SOX6: variants seen among roughly 807,000 people sequenced by gnomAD.
SOX6 encodes the protein SRY-box transcription factor 6, also known as transcription factor SOX-6.
A neutral mutation model predicts 97.8 loss-of-function variants in SOX6; 11 were observed. The ratio of observed to expected loss-of-function variants is 0.11; its 90% CI spans 0.07 to 0.19. SOX6 has a LOEUF of 0.19. Among genes scored for constraint, SOX6 ranks in the 10% least tolerant of loss-of-function variants. The probability of loss-of-function intolerance (pLI) is 1.00; values close to 1 mark genes in which losing one functional copy is unlikely to be tolerated. For missense variants in SOX6, 810 were observed against 1,039.5 expected, an observed-to-expected ratio of 0.78 and a Z score of 3.04; for synonymous variants, 360 against 371.4, an observed-to-expected ratio of 0.97 and a Z score of 0.35.
intron 4 of SOX6, among the ~76,000 whole-genome samples, chr11:16,600,720 G>C (rs73419036): frequency 4.6e-5 from 7 of 152,188 alleles, no homozygotes; most frequent in African/African-American, 1.7e-4. Context: ...ATAATTAACT[G>C]AAAAGCTTTT....
At chr11:16,543,191 T>G (rs1861433834) in intron 4 of SOX6, among the ~76,000 whole-genome samples, 1 of 152,164 alleles carries the variant, frequency 6.6e-6, no homozygotes, top group Middle Eastern at 3.2e-3. Flanking sequence ...TGTGCCTTCA[T>G]GCCAACCTTA....
chr11:16,726,408 C>A (rs1221155835), intron 2 of SOX6, among the ~76,000 whole-genome samples: 1 of 152,116 alleles, frequency 6.6e-6, no homozygotes, highest in Non-Finnish European at 1.5e-5. Context: ...CAGAGTGAGA[C>A]TGTCTCAAAA....
At chr11:16,418,044 G>C (rs1401267401) in intron 1 of SOX6, among the ~76,000 whole-genome samples, 2 of 152,066 alleles carry the variant, frequency 1.3e-5, no homozygotes, top group Admixed American at 1.3e-4. Flanking sequence ...GTGGGTCCTT[G>C]TACATCATTC....
chr11:16,056,027 A>T, intron 9 of SOX6, 126 bp from the exon 10 acceptor site: 1 of 1,134,344 alleles, frequency 8.8e-7, no homozygotes, highest in South Asian at 1.4e-5. Context: ...ACTATTTTTA[A>T]AAAAGGAAGC....
At position 16,149,302 on chromosome 11, in the gene SOX6, G is replaced by A. The variant is rs545162482; in HGVS notation, c.777+34584C>T. The stretch of plus-strand genomic sequence containing the variant: ...CTAGAGAGATATATTGCACTTTGAC[G>A]GCCTACTGTAGGCTCTACAGTAATT... On this transcript the variant is annotated intron_variant, in intron 6 of 15. Coordinates refer to ENST00000683767, the MANE Select transcript of SOX6 (RefSeq NM_001367873.1). 3.3e-5 allele frequency among the ~76,000 whole-genome samples: 5 copies of A among 152,046 alleles called. No homozygotes were observed. In the South Asian group the frequency reaches 6.2e-4, roughly 19 times the overall value.
chr11:16,545,238 T>C (rs1847604379), intron 4 of SOX6, among the ~76,000 whole-genome samples: 1 of 150,342 alleles, frequency 6.7e-6, no homozygotes, highest in Non-Finnish European at 1.5e-5. Flanking sequence ...ATATGAGCTC[T>C]AAAAGAGAGA....
chr11:15,980,142 C>T (rs1469927710), intron 15 of SOX6, among the ~76,000 whole-genome samples: 1 of 151,972 alleles, frequency 6.6e-6, no homozygotes, highest in Non-Finnish European at 1.5e-5. Flanking sequence ...TCTTTAGACG[C>T]TTGAATGGTT....
chr11:16,330,308 C>T (rs1856247672), intron 2 of SOX6, among the ~76,000 whole-genome samples: 1 of 152,176 alleles, frequency 6.6e-6, no homozygotes, highest in Admixed American at 6.5e-5. Context: ...AATCCCAGCA[C>T]TTTGGGAGGC....
At chr11:16,278,898 C>A (rs370932211) in intron 3 of SOX6, among the ~76,000 whole-genome samples, 46 of 152,146 alleles carry the variant, frequency 3.0e-4, no homozygotes, top group African/African-American at 1.1e-3. Flanking sequence ...GTTGATCAAG[C>A]CTTCATTTTC....
intron 1 of SOX6, among the ~76,000 whole-genome samples, chr11:16,429,860 C>T (rs10466381): frequency 1 from 151,550 of 152,270 alleles, 75,422 homozygotes; most frequent in Middle Eastern, 1. Context: ...TCCACCTTCA[C>T]TGAACTACCC....
chr11:16,598,835 A>G (rs1848239227), intron 4 of SOX6, among the ~76,000 whole-genome samples: 1 of 152,108 alleles, frequency 6.6e-6, no homozygotes, highest in Non-Finnish European at 1.5e-5. Context: ...ATGTGAATGG[A>G]TATATCAAAG....
chr11:16,186,657 A>G lies in SOX6; in HGVS notation c.708+126T>C, dbSNP rs200920012. ...CCAGAAGGCTTTGTTTTTTTTTTCC[A>G]TCTTTTCTTATTTTTATTTTTATTT... On this transcript the variant is annotated intron_variant, in intron 5 of 15. Coordinates refer to ENST00000683767, the MANE Select transcript of SOX6 (RefSeq NM_001367873.1). 4 of 1,178,488 alleles carry G rather than the reference A, an allele frequency of 3.4e-6. No individual in the cohort carries two copies. The East Asian group carries it at 1.0e-4, about 30-fold the overall frequency. 73.0% of individuals were successfully genotyped at this position (1,178,488 alleles called of 1,614,324 possible).
At chr11:16,685,221 A>T (rs112999564) in intron 3 of SOX6, among the ~76,000 whole-genome samples, 2,281 of 152,038 alleles carry the variant, frequency 0.015, 56 homozygotes, top group African/African-American at 0.051. Context: ...AAAATAAATT[A>T]AAAAAAATAC....
chr11:16,594,693 T>TTTTG (rs1359627828), intron 4 of SOX6, among the ~76,000 whole-genome samples: 1 of 126,308 alleles, frequency 7.9e-6, no homozygotes, highest in African/African-American at 3.1e-5. Context: ...GCTTTTTTTT[T>TTTTG]TTTTTTTTTT....
chr11:16,522,688 G>A (rs1318408744), intron 4 of SOX6, among the ~76,000 whole-genome samples: 2 of 152,158 alleles, frequency 1.3e-5, no homozygotes, highest in Non-Finnish European at 1.5e-5. Flanking sequence ...AGACTGGCAA[G>A]TTGGATAAAG....
intron 3 of SOX6, among the ~76,000 whole-genome samples, chr11:16,245,106 G>T (rs142944785): frequency 1.4e-4 from 21 of 151,772 alleles, no homozygotes; most frequent in African/African-American, 5.1e-4. Context: ...TACTTTAGCT[G>T]CATCCCACAC....
chr11:16,080,509 A>G (rs1848450538), intron 9 of SOX6, among the ~76,000 whole-genome samples: 1 of 152,126 alleles, frequency 6.6e-6, no homozygotes, highest in Non-Finnish European at 1.5e-5. Context: ...TAGGCACATT[A>G]TGAAGACTTA....
intron 1 of SOX6, among the ~76,000 whole-genome samples, chr11:16,439,745 A>G (rs2133084547): frequency 6.6e-6 from 1 of 152,318 alleles, no homozygotes; most frequent in East Asian, 1.9e-4. Flanking sequence ...TTTACAACTG[A>G]AATTTACAGC....
intron 4 of SOX6, among the ~76,000 whole-genome samples, chr11:16,481,766 C>T (rs919902142): frequency 2.0e-4 from 31 of 152,080 alleles, no homozygotes; most frequent in African/African-American, 7.2e-4. Context: ...ACTCTTTGGT[C>T]TCAGGACTCC....
Sources: gnomAD v4.1 joint callset for allele counts (sites outside exome capture counted in the v4.1 genomes callset) on GRCh38, gnomAD v4.1.1 for gene constraint, MANE v1.5 for transcripts, NCBI Gene and HGNC (gene_info 2026-07-23, HGNC 2026-07-21) for gene names.